NUTM2D: variants seen among roughly 807,000 people sequenced by gnomAD.
The protein encoded by NUTM2D is NUT family member 2D, also known as NUT family member 2A pseudogene.
NUTM2D carries 2 observed loss-of-function variants against 43.5 expected under a neutral mutation model. That is an observed-to-expected ratio of 0.05 (90% CI 0.02 to 0.14). The LOEUF (loss-of-function observed/expected upper bound fraction) is 0.14. NUTM2D is among the 10% of genes least tolerant of loss of function. NUTM2D has a pLI of 1.00. For missense variants in NUTM2D, 48 were observed against 668.7 expected, an observed-to-expected ratio of 0.07 and a Z score of 10.24; for synonymous variants, 24 against 276.6, an observed-to-expected ratio of 0.09 and a Z score of 9.06.
chr10:87,369,890 C>CG (rs1850338562), downstream of NUTM2D: 1 of 152,164 alleles, frequency 6.6e-6, no homozygotes, highest in South Asian at 2.1e-4. Context: ...GAAGCCATAG[C>CG]CTCCTGGGAA....
downstream of NUTM2D, chr10:87,367,355 G>A (rs1210596315): frequency 1.0e-5 from 16 of 1,607,882 alleles, no homozygotes; most frequent in African/African-American, 9.4e-5. Context: ...AGATGCTCCA[G>A]GGACTGACAG....
At position 87,358,235 on chromosome 10, in the gene NUTM2D, C is replaced by T. The variant is rs375995029; in HGVS notation, c.-31C>T. The T allele has an allele frequency of 1.9e-6, 3 of 1,612,088 alleles. No individual in the cohort carries two copies. Among genetic ancestry groups the T allele is most frequent in the African/African-American group, 2.7e-5 (2 of 74,882 alleles). On this transcript the variant is annotated 5_prime_UTR_variant, in exon 1 of 7. Transcript: ENST00000381697. ...CCCACCCCTAACAGCTGCCCACTGC[C>T]CCTCCCCCTCTGCAGAATGTCTGGG...
At chr10:87,369,828 AG>A (rs948679675), downstream of NUTM2D, 2 of 151,672 alleles carry the variant, frequency 1.3e-5, no homozygotes, top group African/African-American at 4.9e-5. Context: ...GGCCCCTGGC[AG>A]GTTTGCCTCC....
At chr10:87,370,396 A>C (rs1024407791), downstream of NUTM2D, 1 of 152,222 alleles carries the variant, frequency 6.6e-6, no homozygotes, top group South Asian at 2.1e-4. Flanking sequence ...CCCAGTGTAC[A>C]TGAACCATTT....
chr10:87,359,862 TG>T (rs575843336), intron 1 of NUTM2D, among the ~76,000 whole-genome samples: 232 of 152,254 alleles, frequency 1.5e-3, no homozygotes, highest in African/African-American at 5.4e-3. Flanking sequence ...TTGCTGTGGG[TG>T]GTGCCAGGAC....
At chr10:87,367,290 T>C (rs1850310769), downstream of NUTM2D, 1 of 1,606,124 alleles carries the variant, frequency 6.2e-7, no homozygotes, top group African/African-American at 1.4e-5. Flanking sequence ...TGCCAGGCTC[T>C]GGGAACCCAC....
Position 87,365,195 on chromosome 10 carries a change from G to C in NUTM2D, c.1510G>C (p.Val504Leu). Reference sequence around the variant, plus strand: ...CAAGCTGTGTTCCCAGAAAGACTTCGTCACCAAGGTGGGCTGGCCTGGAGT... The same window carrying C: ...CAAGCTGTGTTCCCAGAAAGACTTCCTCACCAAGGTGGGCTGGCCTGGAGT... ...TDKLCSQKDF[V>L]TKVEAVIHPQ... The change falls in exon 5 of 7, where the codon GTC becomes CTC. Residue 504 changes from valine (V) to leucine (L), a missense_variant. Val to Leu is a conservative substitution (Grantham distance 32). Coordinates refer to ENST00000381697, the MANE Select transcript of NUTM2D (RefSeq NM_001382304.1). The C allele has an allele frequency of 6.9e-7, 1 of 1,452,300 alleles. No individual in the cohort carries two copies. The highest frequency in any genetic ancestry group is 9.3e-7 in the Non-Finnish European group (1 of 1,075,820). The allele number at this position is 1,452,300 out of a possible 1,614,324, so 90.0% of individuals were successfully genotyped here. A position where few individuals can be genotyped will look rare whatever the true frequency, so the allele number is the denominator to read the frequency against.
chr10:87,367,273 T>C (rs540583263), downstream of NUTM2D: 11,130 of 1,581,320 alleles, frequency 7.0e-3, 388 homozygotes, highest in African/African-American at 0.11. Flanking sequence ...GCAGAGGAAC[T>C]GGCAGATGCC....
At chr10:87,369,753 T>A (rs1850336887), downstream of NUTM2D, 1 of 149,206 alleles carries the variant, frequency 6.7e-6, no homozygotes, top group East Asian at 1.9e-4. Context: ...GCTGAGGCTC[T>A]TGGTCGGCTT....
chr10:87,370,067 C>A (rs1053372620), downstream of NUTM2D: 2 of 152,182 alleles, frequency 1.3e-5, no homozygotes, highest in African/African-American at 4.8e-5. Flanking sequence ...CAATGTGTGT[C>A]TTTCACATCT....
chr10:87,370,369 GA>G (rs1850343148), downstream of NUTM2D: 1 of 152,206 alleles, frequency 6.6e-6, no homozygotes, highest in Admixed American at 6.5e-5. Flanking sequence ...AACCATTTCA[GA>G]AGGTGCCAGA....
chr10:87,369,394 C>T (rs1177846859), downstream of NUTM2D: 8 of 151,656 alleles, frequency 5.3e-5, no homozygotes, highest in Admixed American at 1.3e-4. Flanking sequence ...ATGCTAACCT[C>T]GGACTTCCAG....
downstream of NUTM2D, chr10:87,370,427 G>T (rs186242158): frequency 6.6e-6 from 1 of 152,318 alleles, no homozygotes; most frequent in Non-Finnish European, 1.5e-5. Context: ...CTAGCTGTGT[G>T]AGGGTCCCAG....
chr10:87,361,577 A>G lies in NUTM2D; in HGVS notation c.866+397A>G, dbSNP rs7068913. Among the ~76,000 whole-genome samples the G allele has an allele frequency of 1.1e-4, 6 of 52,720 alleles. 2 individuals are homozygous for G. Among genetic ancestry groups the G allele is most frequent in the Non-Finnish European group, 1.7e-4 (4 of 23,874 alleles). The allele number at this position is 52,720 out of a possible 152,430, so 34.6% of individuals were successfully genotyped here. A position where few individuals can be genotyped will look rare whatever the true frequency, so the allele number is the denominator to read the frequency against. On this transcript the variant is annotated intron_variant, in intron 2 of 6. Transcript: ENST00000381697. ...GGAGCACCTCACATGGGGCCGGGGGAAGGAGCTGCAGGGCCCAGCAGGAAC... is the reference window on the plus strand; with the variant it reads ...GGAGCACCTCACATGGGGCCGGGGGGAGGAGCTGCAGGGCCCAGCAGGAAC...
At chr10:87,369,876 C>T (rs764729350), downstream of NUTM2D, 6 of 151,966 alleles carry the variant, frequency 3.9e-5, no homozygotes, top group East Asian at 3.9e-4. Context: ...GACAGATCCC[C>T]GAAGAAGCCA....
intron 5 of NUTM2D, 150 bp downstream of exon 5, chr10:87,365,353 G>T: frequency 1.4e-6 from 2 of 1,455,314 alleles, no homozygotes; most frequent in Admixed American, 4.7e-5. Context: ...GTGTCTGTGT[G>T]TTGCTGTGTG....
chr10:87,370,284 G>A (rs1359409772), downstream of NUTM2D: 1 of 152,018 alleles, frequency 6.6e-6, no homozygotes, highest in Non-Finnish European at 1.5e-5. Context: ...AGGTTTCCTG[G>A]GGATGTATGT....
downstream of NUTM2D, chr10:87,369,629 A>G (rs955705873): frequency 7.9e-5 from 12 of 152,210 alleles, no homozygotes; most frequent in South Asian, 2.1e-4. Flanking sequence ...TGTATCACAC[A>G]TGAACCAGGA....
chr10:87,370,224 T>C (rs1850341964), downstream of NUTM2D: 1 of 152,242 alleles, frequency 6.6e-6, no homozygotes, highest in Non-Finnish European at 1.5e-5. Context: ...TTTGGGTTTT[T>C]TTCACTTTTT....
Sources: allele counts gnomAD v4.1 joint callset (sites outside exome capture counted in the v4.1 genomes callset), GRCh38; gene constraint gnomAD v4.1.1; transcripts MANE v1.5; gene names NCBI Gene and HGNC (gene_info 2026-07-23, HGNC 2026-07-21).